The following SLIT2 variants were observed in gnomAD, a reference collection of about 807,000 sequenced individuals.
SLIT2 encodes the protein slit homolog 2 protein.
In SLIT2, 41 loss-of-function variants were observed where a neutral mutation model predicts 185.7. The ratio of observed to expected loss-of-function variants is 0.22; its 90% CI spans 0.17 to 0.29. The LOEUF (loss-of-function observed/expected upper bound fraction) is 0.29, where lower values mean the gene tolerates loss of function less well. Among genes scored for constraint, SLIT2 ranks in the 10% least tolerant of loss-of-function variants. The pLI is 1.00. For missense variants in SLIT2, 1,571 were observed against 1,909.0 expected (o/e 0.82, Z 3.30); for synonymous variants, 693 against 680.2 (o/e 1.02, Z -0.29).
chr4:20,534,460 CTT>C (rs1348434343), intron 18 of SLIT2, among the ~76,000 whole-genome samples: 1 of 152,160 alleles, frequency 6.6e-6, no homozygotes, highest in Non-Finnish European at 1.5e-5. Flanking sequence ...ACTTACAACA[CTT>C]TTGTATTACT....
At chr4:20,542,201 C>A (rs1455091928) in intron 20 of SLIT2, among the ~76,000 whole-genome samples, 1 of 152,114 alleles carries the variant, frequency 6.6e-6, no homozygotes, top group African/African-American at 2.4e-5. Flanking sequence ...TTTGCATTTA[C>A]ATATTGTAAT....
chr4:20,470,484 C>CTGTGTGTG (rs540814034), intron 5 of SLIT2, among the ~76,000 whole-genome samples: 3,238 of 129,184 alleles, frequency 0.025, 81 homozygotes, highest in African/African-American at 0.04. Context: ...GCAGTGGAGT[C>CTGTGTGTG]TGTGTGTGTG....
At chr4:20,488,446 T>G (rs1717461449) in intron 7 of SLIT2, among the ~76,000 whole-genome samples, 1 of 152,162 alleles carries the variant, frequency 6.6e-6, no homozygotes, top group Non-Finnish European at 1.5e-5. Flanking sequence ...GCCACAACTT[T>G]TACTAACTTG....
intron 4 of SLIT2, among the ~76,000 whole-genome samples, chr4:20,400,005 A>G (rs1726218558): frequency 6.6e-6 from 1 of 151,904 alleles, no homozygotes; most frequent in Non-Finnish European, 1.5e-5. Context: ...GATGGAAAAG[A>G]GAATGATCTC....
chr4:20,605,699 TTATTTTATTTTA>T (rs1300106667), intron 33 of SLIT2, among the ~76,000 whole-genome samples: 2 of 144,986 alleles, frequency 1.4e-5, no homozygotes, highest in African/African-American at 2.5e-5. Flanking sequence ...ATCACTGCTT[TTATTTTATTTTA>T]TATTTTATTT....
intron 4 of SLIT2, among the ~76,000 whole-genome samples, chr4:20,433,879 C>G (rs938495736): frequency 6.6e-6 from 1 of 152,098 alleles, no homozygotes; most frequent in Admixed American, 6.5e-5. Flanking sequence ...GGGTCAAGTT[C>G]CCTAAAAGAC....
intron 4 of SLIT2, among the ~76,000 whole-genome samples, chr4:20,346,625 T>A (rs1300739263): frequency 6.6e-6 from 1 of 152,170 alleles, no homozygotes; most frequent in Non-Finnish European, 1.5e-5. Context: ...TAAAGTCCCA[T>A]GATAGGCTGT....
chr4:20,374,589 A>C (rs959050576), intron 4 of SLIT2, among the ~76,000 whole-genome samples: 2 of 151,848 alleles, frequency 1.3e-5, no homozygotes, highest in African/African-American at 2.4e-5. Flanking sequence ...TACTCCTTCA[A>C]CTTTCTTCTT....
chr4:20,416,603 G>A (rs1436699418), intron 4 of SLIT2, among the ~76,000 whole-genome samples: 1 of 151,776 alleles, frequency 6.6e-6, no homozygotes, highest in African/African-American at 2.4e-5. Flanking sequence ...ATCAACTCCT[G>A]CCCTTTAACT....
At chr4:20,341,777 C>G (rs1720983079) in intron 4 of SLIT2, among the ~76,000 whole-genome samples, 1 of 152,180 alleles carries the variant, frequency 6.6e-6, no homozygotes, top group African/African-American at 2.4e-5. Context: ...TACATACTCA[C>G]ACTTAATACT....
chr4:20,344,249 C>G (rs1721202154), intron 4 of SLIT2, among the ~76,000 whole-genome samples: 1 of 152,176 alleles, frequency 6.6e-6, no homozygotes, highest in African/African-American at 2.4e-5. Context: ...CCTGATGAGA[C>G]AGATACCCCT....
At chr4:20,388,301 T>C (rs116733116) in intron 4 of SLIT2, among the ~76,000 whole-genome samples, 154 of 152,256 alleles carry the variant, frequency 1.0e-3, no homozygotes, top group African/African-American at 3.5e-3. Flanking sequence ...ATCTTATATT[T>C]GATAAAAGAC....
At position 20,412,628 on chromosome 4, in the gene SLIT2, C is replaced by G. The variant is rs542007161; in HGVS notation, c.396-55124C>G. 2.0e-5 allele frequency among the ~76,000 whole-genome samples: 3 copies of G among 152,052 alleles called. 1 individual carries two copies. The South Asian group carries it at 6.2e-4, about 32-fold the overall frequency. Reference sequence around the variant, plus strand: ...TGAGGCCTGATAAGTTACCTTATTACTCATAATTTTTAAATAAAATTTTTA... The same window carrying G: ...TGAGGCCTGATAAGTTACCTTATTAGTCATAATTTTTAAATAAAATTTTTA... On this transcript the variant is annotated intron_variant, in intron 4 of 36. Transcript: ENST00000504154.
At chr4:20,316,086 A>G (rs374982745) in intron 4 of SLIT2, among the ~76,000 whole-genome samples, 4 of 152,170 alleles carry the variant, frequency 2.6e-5, no homozygotes, top group Admixed American at 6.5e-5. Context: ...GCTAGGCAAA[A>G]CATAAAGAAC....
intron 8 of SLIT2, among the ~76,000 whole-genome samples, chr4:20,490,388 T>G (rs510736): frequency 0.35 from 49,787 of 142,704 alleles, 8,690 homozygotes; most frequent in East Asian, 0.56. Flanking sequence ...CACACGTGCA[T>G]GCACACACAC....
chr4:20,318,655 G>T (rs1489669053), intron 4 of SLIT2, among the ~76,000 whole-genome samples: 1 of 151,630 alleles, frequency 6.6e-6, no homozygotes, highest in Non-Finnish European at 1.5e-5. Flanking sequence ...TTCCTTCTCA[G>T]TTCAGGCTAC....
Position 20,505,489 on chromosome 4 carries a change from C to T in SLIT2, c.915-5006C>T, listed in dbSNP as rs1054631395. Among the ~76,000 whole-genome samples, 8 of 152,038 alleles carry T rather than the reference C, an allele frequency of 5.3e-5. No homozygotes were observed. In the South Asian group the frequency reaches 1.0e-3, roughly 20 times the overall value. On this transcript the variant is annotated intron_variant, in intron 9 of 36. Coordinates refer to ENST00000504154, the MANE Select transcript of SLIT2 (RefSeq NM_004787.4). ...TTTAAAACATTGAAAATAATGTCTACGAATTGAACGCTAGAGAGCTGAAAA... is the reference window on the plus strand; with the variant it reads ...TTTAAAACATTGAAAATAATGTCTATGAATTGAACGCTAGAGAGCTGAAAA...
chr4:20,511,996 TAAAG>T (rs1292865471), intron 11 of SLIT2, among the ~76,000 whole-genome samples: 1 of 152,152 alleles, frequency 6.6e-6, no homozygotes, highest in African/African-American at 2.4e-5. Context: ...CTATGTAAAT[TAAAG>T]AAGTTTAAAA....
intron 4 of SLIT2, among the ~76,000 whole-genome samples, chr4:20,449,415 G>A (rs909938388): frequency 2.6e-5 from 4 of 152,072 alleles, no homozygotes; most frequent in South Asian, 2.1e-4. Flanking sequence ...GTTTTGTTTC[G>A]TTTTGATTTT....
Sources: allele counts gnomAD v4.1 joint callset (sites outside exome capture counted in the v4.1 genomes callset), GRCh38; gene constraint gnomAD v4.1.1; transcripts MANE v1.5; gene names NCBI Gene and HGNC (gene_info 2026-07-23, HGNC 2026-07-21).